Variants in MED12L observed in about 807,000 individuals in gnomAD.
MED12L encodes the protein mediator complex subunit 12L.
A neutral mutation model predicts 281.3 loss-of-function variants in MED12L; 60 were observed. The ratio of observed to expected loss-of-function variants is 0.21; its 90% CI spans 0.17 to 0.26. The LOEUF (loss-of-function observed/expected upper bound fraction) is 0.26, where lower values mean the gene tolerates loss of function less well. Ranked by LOEUF, MED12L falls within the 10% of genes least tolerant of loss-of-function variation. MED12L has a pLI of 1.00. For synonymous variants in MED12L, 974 were observed against 987.2 expected, an observed-to-expected ratio of 0.99 and a Z score of 0.25; for missense variants, 2,146 against 2,680.9, an observed-to-expected ratio of 0.80 and a Z score of 4.41.
intron 10 of MED12L, 74 bp from the exon 11 acceptor site, chr3:151,165,772 A>G: frequency 1.4e-6 from 2 of 1,459,468 alleles, no homozygotes; most frequent in South Asian, 2.5e-5. Flanking sequence ...CTCACATAGA[A>G]TGGTGATTTT....
At chr3:151,381,976 T>G (rs1003166461) in intron 32 of MED12L, among the ~76,000 whole-genome samples, 3 of 152,194 alleles carry the variant, frequency 2.0e-5, no homozygotes, top group Non-Finnish European at 2.9e-5. Context: ...TAGTGGTTTT[T>G]TGTTTTTGTT....
chr3:151,366,478 G>C (rs1755287441), intron 23 of MED12L, among the ~76,000 whole-genome samples: 1 of 152,132 alleles, frequency 6.6e-6, no homozygotes, highest in Non-Finnish European at 1.5e-5. Context: ...GTGTTTTTTG[G>C]CAATTAATGC....
At chr3:151,336,908 C>A in intron 16 of MED12L, 1 of 159,076 alleles carries the variant, frequency 6.3e-6, no homozygotes, top group Non-Finnish European at 1.4e-5. Flanking sequence ...TAATTACAAA[C>A]AGATCAATCA....
chr3:151,246,578 CT>C lies in MED12L; in HGVS notation c.2250+52913del, dbSNP rs1250835126. Among the ~76,000 whole-genome samples the C allele has an allele frequency of 2.6e-5, 4 of 152,228 alleles. No homozygotes were observed. In the East Asian group the frequency reaches 5.8e-4, roughly 22 times the overall value. On this transcript the variant is annotated intron_variant, in intron 16 of 44. Transcript: ENST00000687756. Reference sequence around the variant, plus strand: ...AAACTGGCTAGCCATATGTAGAAAGCTGAAACTGGATCCCTTTCTTACACCT... The same window carrying C: ...AAACTGGCTAGCCATATGTAGAAAGCGAAACTGGATCCCTTTCTTACACCT...
At chr3:151,150,856 T>G (rs1718363096) in intron 5 of MED12L, among the ~76,000 whole-genome samples, 1 of 152,268 alleles carries the variant, frequency 6.6e-6, no homozygotes, top group East Asian at 1.9e-4. Context: ...CTTCTGTAGC[T>G]TCCTCTCTTA....
At chr3:151,191,468 A>G (rs914435356) in intron 14 of MED12L, among the ~76,000 whole-genome samples, 4 of 152,246 alleles carry the variant, frequency 2.6e-5, no homozygotes, top group African/African-American at 7.2e-5. Flanking sequence ...ATTTTATGCT[A>G]TGAGTGTGAC....
intron 11 of MED12L, among the ~76,000 whole-genome samples, chr3:151,173,139 T>C (rs898252927): frequency 1.4e-4 from 21 of 152,108 alleles, no homozygotes; most frequent in Admixed American, 1.0e-3. Context: ...TTTAGTGTTA[T>C]GTCATCTTAT....
chr3:151,282,852 A>T (rs977108364), intron 16 of MED12L, among the ~76,000 whole-genome samples: 1 of 152,230 alleles, frequency 6.6e-6, no homozygotes, highest in Non-Finnish European at 1.5e-5. Context: ...TTGTAATCTG[A>T]TAGGAAAACA....
chr3:151,263,089 G>A (rs1739203151), intron 16 of MED12L, among the ~76,000 whole-genome samples: 1 of 152,132 alleles, frequency 6.6e-6, no homozygotes, highest in African/African-American at 2.4e-5. Context: ...GAGTACATGG[G>A]GTTGACGAGT....
chr3:151,390,783 T>C (rs1036873694), intron 38 of MED12L, among the ~76,000 whole-genome samples: 15 of 152,366 alleles, frequency 9.8e-5, no homozygotes, highest in African/African-American at 3.4e-4. Context: ...TTTTAAATTT[T>C]TCTATTGTGA....
chr3:151,255,642 A>G (rs1233691438), intron 16 of MED12L, among the ~76,000 whole-genome samples: 2 of 152,212 alleles, frequency 1.3e-5, no homozygotes, highest in Non-Finnish European at 2.9e-5. Context: ...GGCCCCTGAG[A>G]TGAAACCTTT....
Position 151,106,206 on chromosome 3 carries a change from G to GT in MED12L, c.100-10123dup, listed in dbSNP as rs1011214069. Among the ~76,000 whole-genome samples the GT allele has an allele frequency of 3.6e-4, 53 of 148,716 alleles. 1 individual carries two copies. In the East Asian group the frequency reaches 4.5e-3, roughly 13 times the overall value. ...TTCAAGTCGGATAATGTCACCTTCT[G>GT]TTTTTTTTTCTTTCTTTCCTTCCTT... On this transcript the variant is annotated intron_variant, in intron 2 of 44. Coordinates refer to ENST00000687756, the MANE Select transcript of MED12L (RefSeq NM_001393769.1).
intron 16 of MED12L, among the ~76,000 whole-genome samples, chr3:151,200,130 G>A (rs1381200276): frequency 1.4e-5 from 2 of 143,258 alleles, no homozygotes; most frequent in African/African-American, 2.5e-5. Context: ...TGTGGGTTTT[G>A]AAGCAGTTAA....
rs750594424 is a variant in MED12L, at chr3:151,188,126, C to T, written c.1627-228C>T. The stretch of plus-strand genomic sequence containing the variant: ...CTACGGCCATACCACCCTGAACGCG[C>T]CCGATCTCGTCTGATCTCGGAAGCT... On this transcript the variant is annotated intron_variant, in intron 12 of 44. Transcript: ENST00000687756. 4.7e-4 allele frequency: 147 copies of T among 311,698 alleles called. 1 individual carries two copies. Among genetic ancestry groups the T allele is most frequent in the Non-Finnish European group, 1.3e-4 (22 of 168,600 alleles). The allele number at this position is 311,698 out of a possible 1,614,324, so 19.3% of individuals were successfully genotyped here.
At chr3:151,253,588 C>A (rs1418112999) in intron 16 of MED12L, among the ~76,000 whole-genome samples, 1 of 152,120 alleles carries the variant, frequency 6.6e-6, no homozygotes, top group African/African-American at 2.4e-5. Flanking sequence ...TCTACTTAGG[C>A]CACCCCTCAG....
chr3:151,141,197 T>TTTTTTG (rs1716971305), intron 5 of MED12L, among the ~76,000 whole-genome samples: 1 of 146,462 alleles, frequency 6.8e-6, no homozygotes, highest in Non-Finnish European at 1.5e-5. Context: ...GTTTTTTTTT[T>TTTTTTG]TTTGTTAGTA....
At chr3:151,251,484 G>A (rs1457979908) in intron 16 of MED12L, among the ~76,000 whole-genome samples, 1 of 152,034 alleles carries the variant, frequency 6.6e-6, no homozygotes, top group East Asian at 1.9e-4. Context: ...CCCACCCACA[G>A]GGTGTGTCCT....
At chr3:151,124,538 C>T (rs760084319) in intron 4 of MED12L, among the ~76,000 whole-genome samples, 1 of 152,192 alleles carries the variant, frequency 6.6e-6, no homozygotes, top group Non-Finnish European at 1.5e-5. Flanking sequence ...GCAATACATT[C>T]TCTGCATGTT....
At chr3:151,130,002 C>G (rs1261471727) in intron 5 of MED12L, among the ~76,000 whole-genome samples, 1 of 151,992 alleles carries the variant, frequency 6.6e-6, no homozygotes, top group African/African-American at 2.4e-5. Context: ...TGCCTGGGCT[C>G]AAGTGATCCT....
Sources: gnomAD v4.1 joint callset for allele counts (sites outside exome capture counted in the v4.1 genomes callset) on GRCh38, gnomAD v4.1.1 for gene constraint, MANE v1.5 for transcripts, NCBI Gene and HGNC (gene_info 2026-07-23, HGNC 2026-07-21) for gene names.